KDELR2: variants seen among roughly 807,000 people sequenced by gnomAD.
KDELR2 encodes ER lumen protein-retaining receptor 2.
A neutral mutation model predicts 23.9 loss-of-function variants in KDELR2; 15 were observed. The observed-to-expected ratio is 0.63, with a 90% CI of 0.42 to 0.97. The LOEUF (loss-of-function observed/expected upper bound fraction) is 0.97, where lower values mean the gene tolerates loss of function less well. Among genes scored for constraint, KDELR2 ranks in the 50% least tolerant of loss-of-function variants. The pLI, the probability that KDELR2 is intolerant of heterozygous loss-of-function variation, is 0.00. For synonymous variants in KDELR2, 119 were observed against 106.2 expected, an observed-to-expected ratio of 1.12 and a Z score of -0.74; for missense variants, 272 against 254.6, an observed-to-expected ratio of 1.07 and a Z score of -0.46.
chr7:6,464,562 C>A (rs963114928), intron 4 of KDELR2, among the ~76,000 whole-genome samples: 3 of 151,780 alleles, frequency 2.0e-5, no homozygotes, highest in Non-Finnish European at 4.4e-5. Context: ...CATGGTAGTG[C>A]GCGACTGTAA....
chr7:6,469,174 G>C (rs558408875), intron 3 of KDELR2, among the ~76,000 whole-genome samples: 6 of 149,928 alleles, frequency 4.0e-5, no homozygotes, highest in Admixed American at 6.6e-5. Context: ...GTATAGTCTC[G>C]ATCTCCTGAC....
chr7:6,482,425 A>G lies in KDELR2; in HGVS notation c.91+1542T>C, dbSNP rs1785919725. On this transcript the variant is annotated intron_variant, in intron 1 of 4. Coordinates refer to ENST00000258739, the MANE Select transcript of KDELR2 (RefSeq NM_006854.4). ...CAGCAGTTATTTGCTGTCACTGGAA[A>G]TCATACAGTTGAACCTCTCAGAACT... 9.8e-6 allele frequency: 3 copies of G among 307,684 alleles called. No homozygotes were observed. In the East Asian group the frequency reaches 2.8e-4, roughly 28 times the overall value. 19.1% of individuals were successfully genotyped at this position (307,684 alleles called of 1,614,324 possible).
At position 6,461,124 on chromosome 7, in the gene KDELR2, G is replaced by A. The variant is rs1393015000; in HGVS notation, c.*2017C>T. The A allele has an allele frequency of 6.6e-6, 1 of 152,194 alleles. No homozygotes were observed. The highest frequency in any genetic ancestry group is 2.4e-5 in the African/African-American group (1 of 41,438). The allele number at this position is 152,194 out of a possible 1,614,324, so 9.4% of individuals were successfully genotyped here. A position where few individuals can be genotyped will look rare whatever the true frequency, so the allele number is the denominator to read the frequency against. On this transcript the variant is annotated 3_prime_UTR_variant, in exon 5 of 5. Coordinates refer to ENST00000258739, the MANE Select transcript of KDELR2 (RefSeq NM_006854.4). Reference sequence around the variant, plus strand: ...GGTAACCTTTATTCGGGAAGTGAAAGTAACTGTGAAACAGTGCTTCATAAG... The same window carrying A: ...GGTAACCTTTATTCGGGAAGTGAAAATAACTGTGAAACAGTGCTTCATAAG...
chr7:6,473,326 C>A (rs537919536), intron 2 of KDELR2, among the ~76,000 whole-genome samples: 1 of 152,198 alleles, frequency 6.6e-6, no homozygotes, highest in Admixed American at 6.5e-5. Flanking sequence ...TACTCTCCCA[C>A]ACCAGCCTAG....
At chr7:6,481,022 T>C (rs1262543118) in intron 1 of KDELR2, among the ~76,000 whole-genome samples, 1 of 152,192 alleles carries the variant, frequency 6.6e-6, no homozygotes, top group African/African-American at 2.4e-5. Context: ...TTAGCTGAAG[T>C]ATTTCATATT....
Position 6,462,973 on chromosome 7 carries a change from G to A in KDELR2, c.*168C>T. 1 of 1,613,098 alleles carries A rather than the reference G, an allele frequency of 6.2e-7. No homozygotes were observed. The highest frequency in any genetic ancestry group is 8.5e-7 in the Non-Finnish European group (1 of 1,179,638). ...AAGATAAGGCAAGATGCATTAAACAGAAACCTTCTGGCTCTTTTCCTCTGC... is the reference window on the plus strand; with the variant it reads ...AAGATAAGGCAAGATGCATTAAACAAAAACCTTCTGGCTCTTTTCCTCTGC... On this transcript the variant is annotated 3_prime_UTR_variant, in exon 5 of 5. Transcript: ENST00000258739.
At chr7:6,465,173 G>A (rs760443585) in intron 4 of KDELR2, among the ~76,000 whole-genome samples, 19 of 150,396 alleles carry the variant, frequency 1.3e-4, no homozygotes, top group East Asian at 2.0e-4. Context: ...GTGCATTTGC[G>A]TAAATATCTT....
chr7:6,462,753 C>A lies in KDELR2; in HGVS notation c.*388G>T. On this transcript the variant is annotated 3_prime_UTR_variant, in exon 5 of 5. Transcript: ENST00000258739. ...GAAGAATATATAATCTATCAACTGTCAAGGAGTACAATTTCATTGCAGACA... is the reference window on the plus strand; with the variant it reads ...GAAGAATATATAATCTATCAACTGTAAAGGAGTACAATTTCATTGCAGACA... The A allele has an allele frequency of 2.1e-6, 1 of 466,376 alleles. No individual in the cohort carries two copies. Among genetic ancestry groups the A allele is most frequent in the Non-Finnish European group, 3.8e-6 (1 of 266,352 alleles). 28.9% of individuals were successfully genotyped at this position (466,376 alleles called of 1,614,324 possible).
rs1273591537 is a variant in KDELR2, at chr7:6,462,877, TAC to T, written c.*262_*263del. 1 of 1,134,328 alleles carries T rather than the reference TAC, an allele frequency of 8.8e-7. No individual in the cohort carries two copies. Among genetic ancestry groups the T allele is most frequent in the Non-Finnish European group, 1.2e-6 (1 of 814,028 alleles). The allele number at this position is 1,134,328 out of a possible 1,614,324, so 70.3% of individuals were successfully genotyped here. A position where few individuals can be genotyped will look rare whatever the true frequency, so the allele number is the denominator to read the frequency against. ...CTTTTGGAACTATCCCAATTGAAGC[TAC>T]ACACTGAATTTATTAATACAGCATT... On this transcript the variant is annotated 3_prime_UTR_variant, in exon 5 of 5. Transcript: ENST00000258739.
At chr7:6,472,123 C>T (rs1242645359) in intron 2 of KDELR2, among the ~76,000 whole-genome samples, 1 of 152,146 alleles carries the variant, frequency 6.6e-6, no homozygotes, top group African/African-American at 2.4e-5. Flanking sequence ...GATCTCCTCA[C>T]CATGTATGTG....
rs1057105271 is a variant in KDELR2 at position 6,466,132 on chromosome 7, C to T, written c.543G>A (p.Val181=). The T allele has an allele frequency of 6.8e-6, 11 of 1,614,114 alleles. No individual in the cohort carries two copies. The highest frequency in any genetic ancestry group is 9.3e-6 in the Non-Finnish European group (11 of 1,180,016). ...GGATGGTCTGGACTACGCCGGCCAC[C>T]ACAGCAATGAGGTCAAAGAAGCCCT... ...YFEGFFDLIA[V]VAGVVQTILY... is the part of the protein sequence containing the mutation. The change falls in exon 4 of 5, where the codon GTG becomes GTA. Residue 181 remains valine (V), a synonymous_variant. Coordinates refer to ENST00000258739, the MANE Select transcript of KDELR2 (RefSeq NM_006854.4).
intron 1 of KDELR2, among the ~76,000 whole-genome samples, chr7:6,481,647 G>T (rs1163595787): frequency 6.6e-6 from 1 of 152,112 alleles, no homozygotes; most frequent in African/African-American, 2.4e-5. Context: ...TTGAGCCCAG[G>T]AGTTTGGGGC....
chr7:6,469,629 T>C lies in KDELR2; in HGVS notation c.318A>G (p.Ser106=), dbSNP rs145382203. 2.5e-6 allele frequency: 4 copies of C among 1,613,892 alleles called. No individual in the cohort carries two copies. In the African/African-American group the frequency reaches 4.0e-5, roughly 16 times the overall value. Reference sequence around the variant, plus strand: ...GAGAGAAATCGTGATTAACTAAAAATGAGAGGCCTCCCACAGGGACCACCA... The same window carrying C: ...GAGAGAAATCGTGATTAACTAAAAACGAGAGGCCTCCCACAGGGACCACCA... ...EFLVVPVGGL[S]FLVNHDFSPL... Residue 106 remains serine, a synonymous_variant, in exon 3 of 5, where the codon TCA becomes TCG. Coordinates refer to ENST00000258739, the MANE Select transcript of KDELR2 (RefSeq NM_006854.4).
At position 6,461,322 on chromosome 7, in the gene KDELR2, C is replaced by G. The variant is rs2115318533; in HGVS notation, c.*1819G>C. 6.6e-6 allele frequency: 1 copy of G among 152,224 alleles called. No individual in the cohort carries two copies. Among genetic ancestry groups the G allele is most frequent in the South Asian group, 2.1e-4 (1 of 4,824 alleles). The allele number at this position is 152,224 out of a possible 1,614,324, so 9.4% of individuals were successfully genotyped here. On this transcript the variant is annotated 3_prime_UTR_variant, in exon 5 of 5. Transcript: ENST00000258739. The stretch of plus-strand genomic sequence containing the variant: ...CTGCAGAAGGAATGGCTACACAGAG[C>G]TTCCAGACCTTTCCATGCGTTGTGC...
chr7:6,480,096 C>A (rs1305067805), intron 1 of KDELR2, among the ~76,000 whole-genome samples: 1 of 152,128 alleles, frequency 6.6e-6, no homozygotes, highest in African/African-American at 2.4e-5. Flanking sequence ...ATCTAAGCAA[C>A]AGGGGAAGGA....
In KDELR2 at chr7:6,462,412, A is replaced by T. The variant is rs1785408242; in HGVS notation, c.*729T>A. ...AAGCAGCCAGAACCCCTGCCACTGG[A>T]TTCTTCAGCACCCTTGGGACAGTCT... On this transcript the variant is annotated 3_prime_UTR_variant, in exon 5 of 5. Transcript: ENST00000258739. The T allele has an allele frequency of 6.5e-6, 1 of 152,960 alleles. No individual in the cohort carries two copies. 9.5% of individuals were successfully genotyped at this position (152,960 alleles called of 1,614,324 possible).
At chr7:6,466,660 T>A (rs1785510723) in intron 3 of KDELR2, among the ~76,000 whole-genome samples, 1 of 151,846 alleles carries the variant, frequency 6.6e-6, no homozygotes, top group Non-Finnish European at 1.5e-5. Flanking sequence ...TAATGCAGAA[T>A]CAGTAGGAGC....
chr7:6,480,429 C>T (rs896106267), intron 1 of KDELR2, among the ~76,000 whole-genome samples: 3 of 152,178 alleles, frequency 2.0e-5, no homozygotes, highest in Non-Finnish European at 2.9e-5. Context: ...TCCATGTTGA[C>T]ACCCTTCTGT....
chr7:6,478,294 A>G (rs1785798108), intron 1 of KDELR2, among the ~76,000 whole-genome samples: 3 of 151,988 alleles, frequency 2.0e-5, no homozygotes, highest in African/African-American at 7.2e-5. Flanking sequence ...ACACAGGTGC[A>G]CGCCACCACG....
Sources: gnomAD v4.1 joint callset for allele counts (sites outside exome capture counted in the v4.1 genomes callset) on GRCh38, gnomAD v4.1.1 for gene constraint, MANE v1.5 for transcripts, NCBI Gene and HGNC (gene_info 2026-07-23, HGNC 2026-07-21) for gene names.